FNDC3B: variants seen among roughly 807,000 people sequenced by gnomAD.
The protein encoded by FNDC3B is fibronectin type III domain-containing protein 3B.
FNDC3B carries 12 observed loss-of-function variants against 151.5 expected under a neutral mutation model. The observed-to-expected ratio is 0.08, with a 90% confidence interval of 0.05 to 0.13. The LOEUF (loss-of-function observed/expected upper bound fraction) is 0.13, where lower values mean the gene tolerates loss of function less well. Ranked by LOEUF, FNDC3B falls within the 10% of genes least tolerant of loss-of-function variation. FNDC3B has a pLI of 1.00. For missense variants in FNDC3B, 1,214 were observed against 1,505.3 expected, an observed-to-expected ratio of 0.81 and a Z score of 3.20; for synonymous variants, 528 against 549.0, an observed-to-expected ratio of 0.96 and a Z score of 0.54.
In FNDC3B at chr3:172,343,069, C is replaced by T. The variant is rs1471068373; in HGVS notation, c.2030C>T (p.Pro677Leu). 4.3e-6 allele frequency: 7 copies of T among 1,613,372 alleles called. No homozygotes were observed. The highest frequency in any genetic ancestry group is 1.1e-5 in the South Asian group (1 of 91,066). Residue 677 changes from proline to leucine, a missense_variant, in exon 18 of 26, where the codon CCG becomes CTG. By Grantham distance (98) the Pro-to-Leu change is moderately conservative. This residue lies in a region of FNDC3B where 380 missense variants were observed against 420.9 expected (regional missense o/e 0.90). Transcript: ENST00000415807. ...ATTGCACCAGGTCAATGTCGACCAC[C>T]GAGGGTTTTGGGTAGACCAAAGCAC... The part of the protein sequence containing the change: ...LSIAPGQCRP[P>L]RVLGRPKHKE...
In FNDC3B at chr3:172,147,313, A is replaced by AC. The variant is rs200522579; in HGVS notation, c.187+13767_187+13768insC. Among the ~76,000 whole-genome samples, 898 of 150,814 alleles carry AC rather than the reference A, an allele frequency of 6.0e-3. 9 individuals carry two copies. The highest frequency in any genetic ancestry group is 0.016 in the African/African-American group (670 of 41,128). On this transcript the variant is annotated intron_variant, in intron 3 of 25. Transcript: ENST00000415807. ...AGAGTGAGACCCTGTCTCCAAACAA[A>AC]AAAAAAAAAAAAGTGAGGTGAGAAA...
At chr3:172,233,240 A>G (rs1423200794) in intron 4 of FNDC3B, among the ~76,000 whole-genome samples, 1 of 152,236 alleles carries the variant, frequency 6.6e-6, no homozygotes, top group Non-Finnish European at 1.5e-5. Flanking sequence ...TGAAACCTCC[A>G]AGTTAATGTT....
At chr3:172,172,335 G>C (rs1001425279) in intron 3 of FNDC3B, among the ~76,000 whole-genome samples, 4 of 152,136 alleles carry the variant, frequency 2.6e-5, no homozygotes, top group African/African-American at 9.7e-5. Context: ...GAAGAAAAAA[G>C]GGATCAAGTA....
intron 2 of FNDC3B, among the ~76,000 whole-genome samples, chr3:172,125,294 A>C (rs1231634151): frequency 6.6e-6 from 1 of 152,032 alleles, no homozygotes; most frequent in East Asian, 1.9e-4. Context: ...TTGTGTTTGC[A>C]AAAGGAGCTG....
chr3:172,392,682 G>A (rs1447948559), intron 25 of FNDC3B, among the ~76,000 whole-genome samples: 2 of 151,374 alleles, frequency 1.3e-5, no homozygotes, highest in East Asian at 1.9e-4. Flanking sequence ...GGTGGCAAGT[G>A]TTTTAGGCAA....
chr3:172,223,409 G>A (rs942001421), intron 3 of FNDC3B, among the ~76,000 whole-genome samples: 5 of 152,178 alleles, frequency 3.3e-5, no homozygotes, highest in African/African-American at 1.2e-4. Flanking sequence ...TGATGACAGT[G>A]ACAAAAGGGG....
intron 14 of FNDC3B, among the ~76,000 whole-genome samples, chr3:172,333,507 T>C (rs916099328): frequency 8.2e-5 from 12 of 146,006 alleles, no homozygotes; most frequent in Admixed American, 2.0e-4. Flanking sequence ...TTTTTTTTTT[T>C]TTTTTTTTTG....
chr3:172,262,328 G>C (rs2108791503), intron 6 of FNDC3B, among the ~76,000 whole-genome samples: 1 of 152,262 alleles, frequency 6.6e-6, no homozygotes, highest in African/African-American at 2.4e-5. Flanking sequence ...GATCCACTTG[G>C]AACAAATCTC....
intron 3 of FNDC3B, among the ~76,000 whole-genome samples, chr3:172,141,843 T>C (rs939225140): frequency 1.3e-5 from 2 of 151,170 alleles, no homozygotes; most frequent in Non-Finnish European, 2.9e-5. Context: ...AGAGTGAGAC[T>C]GCGTCTCAAA....
chr3:172,150,194 T>G (rs1013802730), intron 3 of FNDC3B, among the ~76,000 whole-genome samples: 5 of 152,170 alleles, frequency 3.3e-5, no homozygotes, highest in Non-Finnish European at 7.3e-5. Context: ...AAAATACTGA[T>G]GCTTGGGCCT....
intron 1 of FNDC3B, among the ~76,000 whole-genome samples, chr3:172,046,543 T>C (rs765408127): frequency 2.0e-5 from 3 of 151,992 alleles, no homozygotes; most frequent in Non-Finnish European, 4.4e-5. Context: ...GGCTGGTCTC[T>C]AACTTCTGGC....
chr3:172,287,697 C>A (rs114010340), intron 7 of FNDC3B, among the ~76,000 whole-genome samples: 1,860 of 152,254 alleles, frequency 0.012, 20 homozygotes, highest in Non-Finnish European at 0.02. Flanking sequence ...TCAGATATTC[C>A]TAGTCACTGC....
At chr3:172,174,944 C>CACCCCCCCCCCCG (rs1553769247) in intron 3 of FNDC3B, among the ~76,000 whole-genome samples, 1 of 50,654 alleles carries the variant, frequency 2.0e-5, no homozygotes, top group African/African-American at 5.2e-5. Flanking sequence ...CCCCCCCCCC[C>CACCCCCCCCCCCG]CCAATACAAT....
At chr3:172,327,730 C>G (rs76176008) in intron 11 of FNDC3B, among the ~76,000 whole-genome samples, 5 of 152,222 alleles carry the variant, frequency 3.3e-5, no homozygotes, top group South Asian at 2.1e-4. Context: ...ATGTGCTCAC[C>G]GTAGCAACAG....
chr3:172,291,365 C>T (rs182777062), intron 7 of FNDC3B, among the ~76,000 whole-genome samples: 2 of 152,170 alleles, frequency 1.3e-5, no homozygotes, highest in Admixed American at 1.3e-4. Flanking sequence ...TTAAATAATT[C>T]ATATGCAGAC....
At chr3:172,366,902 C>A (rs909866802) in intron 23 of FNDC3B, among the ~76,000 whole-genome samples, 10 of 152,110 alleles carry the variant, frequency 6.6e-5, no homozygotes, top group Admixed American at 2.0e-4. Context: ...AGAAAGGTGC[C>A]CTGAGTCTTT....
chr3:172,096,648 A>C (rs1719103113), intron 1 of FNDC3B, among the ~76,000 whole-genome samples: 1 of 117,830 alleles, frequency 8.5e-6, no homozygotes, highest in Admixed American at 9.3e-5. Flanking sequence ...AGGCAGATTG[A>C]TTATAATCTG....
chr3:172,397,655 G>T lies in FNDC3B; in HGVS notation c.*180G>T, dbSNP rs758067591. The T allele has an allele frequency of 3.4e-4, 124 of 368,288 alleles. No individual in the cohort carries two copies. The highest frequency in any genetic ancestry group is 9.4e-4 in the Admixed American group (19 of 20,272). 22.8% of individuals were successfully genotyped at this position (368,288 alleles called of 1,614,324 possible). ...TTTTGAAATGCAAAACTAGGAAAAG[G>T]TTAAACTGGATTTTTTTTTTTAAAA... is the stretch of plus-strand genomic sequence containing the variant. On this transcript the variant is annotated 3_prime_UTR_variant, in exon 26 of 26. Coordinates refer to ENST00000415807, the MANE Select transcript of FNDC3B (RefSeq NM_022763.4).
At chr3:172,362,597 C>G in intron 22 of FNDC3B, 36 bp from the exon 23 acceptor site, 1 of 1,461,798 alleles carries the variant, frequency 6.8e-7, no homozygotes. Flanking sequence ...GCTGCTTTAA[C>G]CTGCATTGTC....
Sources: gnomAD v4.1 joint callset for allele counts (sites outside exome capture counted in the v4.1 genomes callset) on GRCh38, gnomAD v4.1.1 for gene constraint, gnomAD v4.1.1 regional missense constraint, MANE v1.5 for transcripts, NCBI Gene and HGNC (gene_info 2026-07-23, HGNC 2026-07-21) for gene names.